TMEM63A: variants seen among roughly 807,000 people sequenced by gnomAD.
TMEM63A encodes mechanosensitive cation channel TMEM63A.
Under a neutral mutation model 100.6 loss-of-function variants are expected in TMEM63A, and 76 were observed. That is an observed-to-expected ratio of 0.76 (90% CI 0.63 to 0.91). TMEM63A has a LOEUF of 0.91. TMEM63A is among the 40% of genes least tolerant of loss of function. TMEM63A has a pLI of 0.00. For synonymous variants in TMEM63A, 401 were observed against 401.1 expected (o/e 1.00, Z 0.00); for missense variants, 876 against 1,008.8 (o/e 0.87, Z 1.78).
At chr1:225,860,766 T>C in intron 14 of TMEM63A, 94 bp downstream of exon 14, 2 of 1,447,776 alleles carry the variant, frequency 1.4e-6, no homozygotes, top group South Asian at 1.4e-5. Flanking sequence ...GAGATCTCCA[T>C]TGACTGCCAG....
At chr1:225,852,185 T>A (rs1669377382) in intron 20 of TMEM63A, among the ~76,000 whole-genome samples, 1 of 152,238 alleles carries the variant, frequency 6.6e-6, no homozygotes, top group Non-Finnish European at 1.5e-5. Flanking sequence ...TGGGAGGAAT[T>A]CATTTAAAAA....
chr1:225,870,756 G>C (rs1670471165), intron 6 of TMEM63A, among the ~76,000 whole-genome samples: 1 of 152,184 alleles, frequency 6.6e-6, no homozygotes, highest in Non-Finnish European at 1.5e-5. Flanking sequence ...TGAATATGTT[G>C]AAATAAATAA....
In TMEM63A at chr1:225,852,383, G is replaced by A. The variant is rs573102314; in HGVS notation, c.1903+281C>T. ...CACCTGTAATCCCAGCTACTCAGGA[G>A]GCTGAGATGGGAGGATGGCTTGAGC... On this transcript the variant is annotated intron_variant, in intron 20 of 24. Transcript: ENST00000366835. 1.8e-4 allele frequency among the ~76,000 whole-genome samples: 28 copies of A among 152,352 alleles called. 1 individual carries two copies. The South Asian group carries it at 5.8e-3, about 32-fold the overall frequency.
intron 15 of TMEM63A, among the ~76,000 whole-genome samples, chr1:225,857,788 T>C (rs545264178): frequency 6.6e-6 from 1 of 152,264 alleles, no homozygotes; most frequent in Non-Finnish European, 1.5e-5. Flanking sequence ...TGATGTAAAG[T>C]AGACAAAGGG....
Position 225,856,618 on chromosome 1 carries a change from T to C in TMEM63A, c.1571+34A>G, listed in dbSNP as rs202232990. 1.6e-5 allele frequency: 25 copies of C among 1,608,088 alleles called. No homozygotes were observed. The African/African-American group carries it at 2.1e-4, about 14-fold the overall frequency. ...CAGTGCTCTCCTGATGTGACTCTTA[T>C]TCTGAATTTAGAGCAGAAGGTGGTG... On this transcript the variant is annotated intron_variant, in intron 17 of 24. Transcript: ENST00000366835.
rs751601644 is a variant in TMEM63A, at chr1:225,856,930, G to A, written c.1465C>T (p.Leu489=). 5 of 1,610,426 alleles carry A rather than the reference G, an allele frequency of 3.1e-6. No homozygotes were observed. The highest frequency in any genetic ancestry group is 2.2e-5 in the East Asian group (1 of 44,836). ...ACTCACTTGGTCCAGTGAGACTCCA[G>A]CAGTGTAGAGTAGTAGACAATGGAG... The part of the protein sequence containing the change: ...LPSIVYYSTL[L]ESHWTKSGEN... The change falls in exon 16 of 25, where the codon CTG becomes TTG. Residue 489 remains leucine (L), a synonymous_variant. Transcript: ENST00000366835.
At chr1:225,874,152 C>T in intron 4 of TMEM63A, 136 bp downstream of exon 4, 1 of 827,794 alleles carries the variant, frequency 1.2e-6, no homozygotes, top group Non-Finnish European at 1.9e-6. Flanking sequence ...TTCATAAGCC[C>T]CTAGCCCATT....
Position 225,860,876 on chromosome 1 carries a change from G to C in TMEM63A, c.1207C>G (p.Pro403Ala), listed in dbSNP as rs775104407. 1.9e-6 allele frequency: 3 copies of C among 1,609,868 alleles called. No homozygotes were observed. Among genetic ancestry groups the C allele is most frequent in the Non-Finnish European group, 1.7e-6 (2 of 1,178,190 alleles). Residue 403 changes from proline (P) to alanine (A), a missense_variant, in exon 14 of 25, where the codon CCT becomes GCT. Pro to Ala is a conservative substitution (Grantham distance 27, BLOSUM62 -1). This residue lies in a region of TMEM63A where 487 missense variants were observed against 581.9 expected (regional missense o/e 0.84). Transcript: ENST00000366835. Reference sequence around the variant, plus strand: ...GGAGCTTACCAGCAGATGTCCTCAGGGTCAGCAGCAAAGGTGACTGTCCAC... The same window carrying C: ...GGAGCTTACCAGCAGATGTCCTCAGCGTCAGCAGCAAAGGTGACTGTCCAC... ...SKWTVTFAAD[P>A]EDICWKNLSI...
chr1:225,856,877 T>C (rs769392344), intron 16 of TMEM63A, 34 bp downstream of exon 16: 1 of 1,602,208 alleles, frequency 6.2e-7, no homozygotes, highest in Non-Finnish European at 8.5e-7. Context: ...ATATCCTTCT[T>C]AGGGGCAGGG....
chr1:225,845,576 C>CA lies in TMEM63A; in HGVS notation c.*1362dup. On this transcript the variant is annotated 3_prime_UTR_variant, in exon 25 of 25. Coordinates refer to ENST00000366835, the MANE Select transcript of TMEM63A (RefSeq NM_014698.3). Reference sequence around the variant, plus strand: ...CTTTACTCTAAAAGCGGCTGGAACTCAGTGACATGAGCGTGCGCTGACCCC... The same window carrying CA: ...CTTTACTCTAAAAGCGGCTGGAACTCAAGTGACATGAGCGTGCGCTGACCCC... The CA allele has an allele frequency of 1.7e-6, 1 of 597,752 alleles. No homozygotes were observed. The highest frequency in any genetic ancestry group is 3.0e-6 in the Non-Finnish European group (1 of 337,126). The allele number at this position is 597,752 out of a possible 1,614,324, so 37.0% of individuals were successfully genotyped here. A position where few individuals can be genotyped will look rare whatever the true frequency, so the allele number is the denominator to read the frequency against.
At chr1:225,841,927 G>A (rs1438308494), downstream of TMEM63A, among the ~76,000 whole-genome samples, 1 of 152,114 alleles carries the variant, frequency 6.6e-6, no homozygotes, top group Non-Finnish European at 1.5e-5. Flanking sequence ...TTTAATGACT[G>A]TACAGTATTT....
chr1:225,852,508 A>G (rs751563166), intron 20 of TMEM63A, among the ~76,000 whole-genome samples, 156 bp downstream of exon 20: 1 of 152,122 alleles, frequency 6.6e-6, no homozygotes, highest in Non-Finnish European at 1.5e-5. Flanking sequence ...AAATGAGTGA[A>G]ATCTGGTGTC....
At chr1:225,845,474 C>T (rs771396693), downstream of TMEM63A, 3 of 903,318 alleles carry the variant, frequency 3.3e-6, no homozygotes, top group Non-Finnish European at 5.1e-6. Context: ...AGCCCACGCT[C>T]ACCCCCTCAC....
intron 13 of TMEM63A, chr1:225,861,999 C>T (rs547259117): frequency 1.3e-5 from 9 of 695,406 alleles, no homozygotes; most frequent in South Asian, 3.8e-5. Context: ...GAATCACCCA[C>T]TCCGTGGCTG....
intron 18 of TMEM63A, among the ~76,000 whole-genome samples, chr1:225,854,013 G>A (rs1485551513): frequency 6.6e-6 from 1 of 152,192 alleles, no homozygotes; most frequent in Non-Finnish European, 1.5e-5. Context: ...CATTCTAGCT[G>A]GGGGCACAAA....
rs756978095 is a variant in TMEM63A at position 225,860,890 on chromosome 1, G to A, written c.1193C>T (p.Thr398Ile). The change falls in exon 14 of 25, where the codon ACC becomes ATC. Residue 398 changes from threonine to isoleucine, a missense_variant. This residue lies in a region of TMEM63A where 487 missense variants were observed against 581.9 expected (regional missense o/e 0.84). Transcript: ENST00000366835. Reference sequence around the variant, plus strand: ...GATGTCCTCAGGGTCAGCAGCAAAGGTGACTGTCCACTTGGAGGTATAGAG... The same window carrying A: ...GATGTCCTCAGGGTCAGCAGCAAAGATGACTGTCCACTTGGAGGTATAGAG... ...RELYTSKWTV[T>I]FAADPEDICW... The A allele has an allele frequency of 6.2e-7, 1 of 1,611,958 alleles. No homozygotes were observed. The highest frequency in any genetic ancestry group is 8.5e-7 in the Non-Finnish European group (1 of 1,179,066).
Position 225,867,902 on chromosome 1 carries a change from G to A in TMEM63A, c.500C>T (p.Ser167Leu). The A allele has an allele frequency of 6.2e-7, 1 of 1,614,174 alleles. No individual in the cohort carries two copies. Among genetic ancestry groups the A allele is most frequent in the African/African-American group, 1.3e-5 (1 of 75,030 alleles). ...SLCVILPVNL[S>L]GDLLDKDPYS... ...AGGGTCATTACCCAGCAAGTCCCCT[G>A]AGAGGTTGACAGGCAGGATGACACA... The change falls in exon 7 of 25, where the codon TCA becomes TTA. Residue 167 changes from serine (S) to leucine (L), a missense_variant. By Grantham distance (145) the Ser-to-Leu change is moderately radical. Coordinates refer to ENST00000366835, the MANE Select transcript of TMEM63A (RefSeq NM_014698.3). The surrounding 1 kb of genome is among the most constrained non-coding windows in gnomAD (Gnocchi z 4.6).
At chr1:225,842,572 C>T (rs2102776325), downstream of TMEM63A, 1 of 889,006 alleles carries the variant, frequency 1.1e-6, no homozygotes, top group African/African-American at 1.6e-5. Context: ...GCATGGGGCA[C>T]TCAGCAAATT....
intron 17 of TMEM63A, 143 bp from the exon 18 acceptor site, chr1:225,856,083 G>T: frequency 1.3e-6 from 1 of 791,600 alleles, no homozygotes; most frequent in East Asian, 2.7e-5. Context: ...ACTACGGCAT[G>T]ACCTGTCACA....
Sources: allele counts gnomAD v4.1 joint callset (sites outside exome capture counted in the v4.1 genomes callset), GRCh38; gene constraint gnomAD v4.1.1; regional missense constraint gnomAD v4.1.1; non-coding constraint Gnocchi (gnomAD v3.1); transcripts MANE v1.5; gene names NCBI Gene and HGNC (gene_info 2026-07-23, HGNC 2026-07-21).